Variants in NFILZ observed in about 807,000 individuals in gnomAD.
NFILZ encodes the protein NFIL3 like protein.
intron 2 of NFILZ, among the ~76,000 whole-genome samples, chr19:8,633,877 CCCTTCCTTCCTT>C (rs782201553): frequency 0.11 from 9,416 of 84,486 alleles, 521 homozygotes; most frequent in South Asian, 0.15. Flanking sequence ...TAACTTTTCT[CCCTTCCTTCCTT>C]CCTTCCTTCC....
chr19:8,653,038 T>TTCTTTCTTTCTTTCTCTCTCCCTC (rs1555747925), intron 3 of NFILZ, among the ~76,000 whole-genome samples: 6 of 90,590 alleles, frequency 6.6e-5, no homozygotes, highest in Non-Finnish European at 1.1e-4. Context: ...CTTTCTTTCT[T>TTCTTTCTTTCTTTCTCTCTCCCTC]TCTCTCTCTC....
chr19:8,637,911 T>TGAA (rs2042901732), intron 3 of NFILZ, among the ~76,000 whole-genome samples: 1 of 802 alleles, frequency 1.2e-3, no homozygotes, highest in Non-Finnish European at 5.0e-3. Flanking sequence ...AAAGATGGTC[T>TGAA]CAAAAAAAAA....
At chr19:8,640,038 C>T (rs1450605113) in intron 3 of NFILZ, among the ~76,000 whole-genome samples, 2 of 152,168 alleles carry the variant, frequency 1.3e-5, no homozygotes, top group Non-Finnish European at 2.9e-5. Context: ...GCGTCTGCCT[C>T]TCTCCCACGA....
At chr19:8,656,493 CT>C (rs2043003257) in intron 3 of NFILZ, among the ~76,000 whole-genome samples, 1 of 80,262 alleles carries the variant, frequency 1.2e-5, no homozygotes, top group African/African-American at 5.5e-5. Context: ...AGCCCACCTT[CT>C]CCCGCAGCCC....
chr19:8,639,326 CA>C (rs2042908976), intron 3 of NFILZ, among the ~76,000 whole-genome samples: 1 of 152,048 alleles, frequency 6.6e-6, no homozygotes, highest in Non-Finnish European at 1.5e-5. Context: ...CCTGTAACCC[CA>C]GCACTTTGGG....
chr19:8,676,255 G>A (rs781934326), intron 4 of NFILZ, among the ~76,000 whole-genome samples, 104 bp from the exon 5 acceptor site: 1 of 152,162 alleles, frequency 6.6e-6, no homozygotes, highest in South Asian at 2.1e-4. Flanking sequence ...AAACTGAAGC[G>A]ATCTTGGGGT....
chr19:8,648,240 C>CAGG (rs1460379145), intron 3 of NFILZ, among the ~76,000 whole-genome samples: 1 of 146,548 alleles, frequency 6.8e-6, no homozygotes, highest in Non-Finnish European at 1.5e-5. Context: ...GATGGGTTGA[C>CAGG]AGGTGCAGCA....
rs1484354229 is a variant in NFILZ at position 8,634,283 on chromosome 19, C to A, written c.-260-1367C>A. 3.9e-5 allele frequency among the ~76,000 whole-genome samples: 6 copies of A among 152,146 alleles called. No homozygotes were observed. The East Asian group carries it at 1.2e-3, about 29-fold the overall frequency. ...AAGTGTTGGGATTACAGGCGTGAGC[C>A]ACCCTGCCTGGCCTCTTTTTTTTTT... On this transcript the variant is annotated intron_variant, in intron 2 of 5. Coordinates refer to ENST00000691075, the MANE Select transcript of NFILZ (RefSeq NM_001378600.1).
At chr19:8,664,126 C>G (rs2043050572) in intron 3 of NFILZ, among the ~76,000 whole-genome samples, 1 of 152,188 alleles carries the variant, frequency 6.6e-6, no homozygotes, top group African/African-American at 2.4e-5. Context: ...TCACATCAGA[C>G]CCCGTGAGCC....
At chr19:8,667,907 T>C (rs978001782) in intron 3 of NFILZ, among the ~76,000 whole-genome samples, 3 of 152,168 alleles carry the variant, frequency 2.0e-5, no homozygotes, top group Non-Finnish European at 4.4e-5. Context: ...ATAAATGCTA[T>C]GTAAATAGTT....
intron 3 of NFILZ, among the ~76,000 whole-genome samples, chr19:8,662,951 C>CT (rs139212687): frequency 0.056 from 7,847 of 140,604 alleles, 325 homozygotes; most frequent in Middle Eastern, 0.11. Context: ...TTTCTTTTTC[C>CT]TTTTTTTTTT....
chr19:8,635,961 A>G (rs1000411088), intron 3 of NFILZ, among the ~76,000 whole-genome samples: 2 of 151,782 alleles, frequency 1.3e-5, no homozygotes, highest in Non-Finnish European at 2.9e-5. Context: ...CTCAGCCTCC[A>G]GAGTAGCTGG....
intron 3 of NFILZ, among the ~76,000 whole-genome samples, chr19:8,643,446 C>A (rs888273637): frequency 2.0e-5 from 3 of 152,140 alleles, no homozygotes; most frequent in African/African-American, 7.2e-5. Context: ...CTGGGTTAAA[C>A]ATTATTTCTG....
At chr19:8,675,799 G>A (rs1555750651) in intron 4 of NFILZ, among the ~76,000 whole-genome samples, 1 of 152,170 alleles carries the variant, frequency 6.6e-6, no homozygotes, top group Non-Finnish European at 1.5e-5. Flanking sequence ...TGGATGAATG[G>A]ATGGACCCAT....
At chr19:8,656,969 G>T (rs1288621369) in intron 3 of NFILZ, among the ~76,000 whole-genome samples, 1 of 152,044 alleles carries the variant, frequency 6.6e-6, no homozygotes, top group Non-Finnish European at 1.5e-5. Flanking sequence ...TTGTCCTGGG[G>T]GTTGTCTGTG....
At chr19:8,648,724 T>C (rs2042952915) in intron 3 of NFILZ, among the ~76,000 whole-genome samples, 1 of 151,380 alleles carries the variant, frequency 6.6e-6, no homozygotes, top group South Asian at 2.1e-4. Context: ...TGGTGGTGCA[T>C]GCCTGTAATC....
chr19:8,650,129 G>C (rs1329180327), intron 3 of NFILZ, among the ~76,000 whole-genome samples: 1 of 151,306 alleles, frequency 6.6e-6, no homozygotes, highest in Non-Finnish European at 1.5e-5. Context: ...AAAAAAAATT[G>C]GTTCCAAAAA....
At chr19:8,659,611 A>T (rs1394165410) in intron 3 of NFILZ, among the ~76,000 whole-genome samples, 2 of 152,190 alleles carry the variant, frequency 1.3e-5, no homozygotes, top group African/African-American at 4.8e-5. Flanking sequence ...GCAGGAAAGT[A>T]GCATAATCTG....
chr19:8,638,151 G>A (rs2042903378), intron 3 of NFILZ, among the ~76,000 whole-genome samples: 1 of 151,940 alleles, frequency 6.6e-6, no homozygotes, highest in Admixed American at 6.6e-5. Context: ...GGAAAGAATT[G>A]GGCACAGGCA....
Sources: gnomAD v4.1 joint callset for allele counts (sites outside exome capture counted in the v4.1 genomes callset) on GRCh38, gnomAD v4.1.1 for gene constraint, MANE v1.5 for transcripts, NCBI Gene and HGNC (gene_info 2026-07-23, HGNC 2026-07-21) for gene names.